XRCC1: variants seen among roughly 807,000 people sequenced by gnomAD.
XRCC1 encodes X-ray repair cross complementing 1, also known as DNA repair protein XRCC1.
XRCC1 carries 52 observed loss-of-function variants against 83.3 expected under a neutral mutation model. The observed-to-expected ratio is 0.62, with a 90% CI of 0.50 to 0.79. XRCC1 has a LOEUF of 0.79. Ranked by LOEUF, XRCC1 falls within the 30% of genes least tolerant of loss-of-function variation. The probability of loss-of-function intolerance (pLI) is 0.00; values close to 1 mark genes in which losing one functional copy is unlikely to be tolerated. For missense variants in XRCC1, 793 were observed against 823.5 expected (o/e 0.96, Z 0.45); for synonymous variants, 281 against 312.6 (o/e 0.90, Z 1.07).
intron 2 of XRCC1, among the ~76,000 whole-genome samples, chr19:43,573,484 A>G (rs1424457427): frequency 6.6e-6 from 1 of 152,144 alleles, no homozygotes; most frequent in Admixed American, 6.5e-5. Flanking sequence ...GAGGGAGAGG[A>G]GTGGATATTT....
At chr19:43,564,448 G>GA (rs901316465) in intron 2 of XRCC1, among the ~76,000 whole-genome samples, 20 of 152,164 alleles carry the variant, frequency 1.3e-4, no homozygotes, top group African/African-American at 4.1e-4. Flanking sequence ...CTTGGTGTAT[G>GA]AGTTTCCTGT....
At chr19:43,557,245 G>A (rs3213339) in intron 3 of XRCC1, among the ~76,000 whole-genome samples, 3,976 of 148,170 alleles carry the variant, frequency 0.027, 89 homozygotes, top group African/African-American at 0.062. Context: ...GGAGGCGGAG[G>A]TTGCAGTGAG....
chr19:43,574,139 A>C (rs929544284), intron 2 of XRCC1, among the ~76,000 whole-genome samples: 6 of 151,934 alleles, frequency 3.9e-5, no homozygotes, highest in African/African-American at 1.2e-4. Flanking sequence ...GCAGTGGCAC[A>C]ATCTCAGCTC....
intron 1 of XRCC1, among the ~76,000 whole-genome samples, 166 bp downstream of exon 1, chr19:43,575,242 C>T (rs928296870): frequency 1.3e-5 from 2 of 152,196 alleles, no homozygotes; most frequent in Non-Finnish European, 2.9e-5. Context: ...GTTCCCTAGA[C>T]GCCGGAACGT....
chr19:43,552,324 C>A, intron 8 of XRCC1, 49 bp from the exon 9 acceptor site: 1 of 1,378,410 alleles, frequency 7.3e-7, no homozygotes. Flanking sequence ...GGGGTCAACC[C>A]CCAGCCCCTC....
intron 3 of XRCC1, among the ~76,000 whole-genome samples, chr19:43,557,006 A>G (rs1302092004): frequency 6.6e-6 from 1 of 151,376 alleles, no homozygotes; most frequent in Non-Finnish European, 1.5e-5. Context: ...CTCTGCCAAA[A>G]AACAAAAAAC....
At chr19:43,553,339 C>T in intron 6 of XRCC1, 62 bp downstream of exon 6, 1 of 1,568,158 alleles carries the variant, frequency 6.4e-7, no homozygotes. Context: ...CCCCTCTACC[C>T]TCAGACCCAC....
chr19:43,554,915 T>C (rs1170082302), intron 3 of XRCC1, 111 bp from the exon 4 acceptor site: 3 of 1,255,008 alleles, frequency 2.4e-6, no homozygotes, highest in African/African-American at 3.0e-5. Context: ...TGGGAGTCAC[T>C]AGAATGTAGC....
At chr19:43,544,256 A>T (rs763003962) in intron 14 of XRCC1, 22 bp from the exon 15 acceptor site, 9 of 1,590,962 alleles carry the variant, frequency 5.7e-6, no homozygotes, top group South Asian at 1.1e-5. Context: ...AAGGGGGCTA[A>T]GGTAAGCATG....
At chr19:43,551,116 C>T (rs190668672) in intron 10 of XRCC1, among the ~76,000 whole-genome samples, 176 of 152,124 alleles carry the variant, frequency 1.2e-3, no homozygotes, top group Non-Finnish European at 1.8e-3. Context: ...TACAGGCGTG[C>T]GCCACCAAGC....
chr19:43,568,960 G>A (rs1251780599), intron 2 of XRCC1, among the ~76,000 whole-genome samples: 1 of 149,574 alleles, frequency 6.7e-6, no homozygotes, highest in Non-Finnish European at 1.5e-5. Flanking sequence ...TACTCAGGAA[G>A]CTGCCTCCAA....
intron 3 of XRCC1, among the ~76,000 whole-genome samples, chr19:43,560,560 G>C (rs1462386619): frequency 6.6e-6 from 1 of 152,132 alleles, no homozygotes; most frequent in East Asian, 1.9e-4. Flanking sequence ...GCTGAAATAG[G>C]CAAGGAAATG....
In XRCC1 at chr19:43,558,155, C is replaced by A. The variant is rs975916229; in HGVS notation, c.255+2755G>T. Among the ~76,000 whole-genome samples the A allele has an allele frequency of 2.0e-5, 3 of 151,962 alleles. No individual in the cohort carries two copies. The East Asian group carries it at 5.8e-4, about 29-fold the overall frequency. On this transcript the variant is annotated intron_variant, in intron 3 of 16. Coordinates refer to ENST00000262887, the MANE Select transcript of XRCC1 (RefSeq NM_006297.3). Reference sequence around the variant, plus strand: ...GTGAAAAAAGATAGTTTTCTTTTTTCTTTTTCTCACCTTGTCACACTGACT... The same window carrying A: ...GTGAAAAAAGATAGTTTTCTTTTTTATTTTTCTCACCTTGTCACACTGACT...
At chr19:43,572,542 G>C (rs1384913688) in intron 2 of XRCC1, among the ~76,000 whole-genome samples, 1 of 152,204 alleles carries the variant, frequency 6.6e-6, no homozygotes, top group Non-Finnish European at 1.5e-5. Context: ...AGTGGCTCAT[G>C]CCTGTAATCC....
rs267605526 is a variant in XRCC1 at position 43,553,676 on chromosome 19, G to A, written c.422C>T (p.Pro141Leu). The A allele has an allele frequency of 1.3e-6, 2 of 1,539,262 alleles. No homozygotes were observed. The highest frequency in any genetic ancestry group is 2.3e-5 in the East Asian group (1 of 44,064). ...VCSQPYSKDS[P>L]FGLSFVRFHS... ...AAACCGTACAAAACTCAAGCCAAAG[G>A]GGGAGTCCTGGGAAAGGAGGGGTGG... Residue 141 changes from proline to leucine, a missense_variant, in exon 5 of 17, where the codon CCC (proline) becomes CTC (leucine). Pro to Leu is a moderately conservative substitution (Grantham distance 98). Transcript: ENST00000262887.
chr19:43,563,541 G>T (rs1488360367), intron 2 of XRCC1, among the ~76,000 whole-genome samples: 2 of 152,070 alleles, frequency 1.3e-5, no homozygotes, highest in Non-Finnish European at 2.9e-5. Flanking sequence ...GTCCCAGTCT[G>T]ACTGCTCCCC....
At chr19:43,570,184 A>G (rs1354838008) in intron 2 of XRCC1, among the ~76,000 whole-genome samples, 1 of 152,204 alleles carries the variant, frequency 6.6e-6, no homozygotes, top group Non-Finnish European at 1.5e-5. Context: ...GAAAACCAAT[A>G]ACAATCAAAA....
chr19:43,567,490 T>G (rs1475665176), intron 2 of XRCC1, among the ~76,000 whole-genome samples: 2 of 152,056 alleles, frequency 1.3e-5, no homozygotes, highest in Non-Finnish European at 2.9e-5. Flanking sequence ...TTTTGTATTT[T>G]CAGTAGAGAT....
intron 14 of XRCC1, among the ~76,000 whole-genome samples, chr19:43,545,370 C>A (rs534378076): frequency 3.9e-5 from 6 of 152,308 alleles, no homozygotes; most frequent in African/African-American, 1.4e-4. Flanking sequence ...CAGACAGCAT[C>A]CACGTCCAGA....
Sources: allele counts gnomAD v4.1 joint callset (sites outside exome capture counted in the v4.1 genomes callset), GRCh38; gene constraint gnomAD v4.1.1; transcripts MANE v1.5; gene names NCBI Gene and HGNC (gene_info 2026-07-23, HGNC 2026-07-21).